The following TNFSF4 variants were observed in gnomAD, a reference collection of about 807,000 sequenced individuals.
TNFSF4 encodes TNF superfamily member 4, also known as tumor necrosis factor ligand superfamily member 4.
TNFSF4 carries 4 observed loss-of-function variants against 7.3 expected under a neutral mutation model. The observed-to-expected ratio is 0.55, with a 90% confidence interval of 0.27 to 1.25. The LOEUF (loss-of-function observed/expected upper bound fraction) is 1.25. TNFSF4 is among the 50% of genes most tolerant of loss of function. TNFSF4 has a pLI of 0.12. For synonymous variants in TNFSF4, 76 were observed against 83.7 expected, an observed-to-expected ratio of 0.91 and a Z score of 0.50; for missense variants, 181 against 208.8, an observed-to-expected ratio of 0.87 and a Z score of 0.82.
chr1:173,291,237 C>T, the TNFSF4 span, among the ~76,000 whole-genome samples: 1 of 152,066 alleles, frequency 6.6e-6, no homozygotes, highest in African/African-American at 2.4e-5. Context: ...GCGCCACACA[C>T]TTTGAAACAA....
chr1:173,363,077 CAT>C, the TNFSF4 span: 14 of 354,206 alleles, frequency 4.0e-5, no homozygotes, highest in African/African-American at 2.6e-4. Flanking sequence ...TTAGTTTGTA[CAT>C]GTTTCCTTTC....
downstream of TNFSF4, among the ~76,000 whole-genome samples, chr1:173,182,852 C>T (rs1571177595): frequency 6.6e-6 from 1 of 152,116 alleles, no homozygotes; most frequent in South Asian, 2.1e-4. Flanking sequence ...TGTGTAAGTG[C>T]ATTTGCACAT....
chr1:173,269,698 A>C, the TNFSF4 span, among the ~76,000 whole-genome samples: 1 of 152,154 alleles, frequency 6.6e-6, no homozygotes, highest in African/African-American at 2.4e-5. Flanking sequence ...CATGCTACTC[A>C]GAGCAGTGGA....
chr1:173,405,533 T>C, the TNFSF4 span, among the ~76,000 whole-genome samples: 1 of 152,214 alleles, frequency 6.6e-6, no homozygotes, highest in Admixed American at 6.5e-5. Flanking sequence ...TTGAGGGCAC[T>C]TGAAAGTGGG....
At chr1:173,283,927 CAAAAA>C in the TNFSF4 span, among the ~76,000 whole-genome samples, 1,741 of 62,450 alleles carry the variant, frequency 0.028, 23 homozygotes, top group Non-Finnish European at 0.044. Flanking sequence ...CTTATGAATG[CAAAAA>C]AAAAAAAAAA....
the TNFSF4 span, among the ~76,000 whole-genome samples, chr1:173,418,795 C>A: frequency 6.6e-6 from 1 of 152,170 alleles, no homozygotes; most frequent in Non-Finnish European, 1.5e-5. Context: ...GCGAGCCTTA[C>A]ATGTAAACAG....
At chr1:173,198,466 C>A (rs1649800289) in intron 1 of TNFSF4, among the ~76,000 whole-genome samples, 1 of 152,204 alleles carries the variant, frequency 6.6e-6, no homozygotes, top group Non-Finnish European at 1.5e-5. Context: ...AAGCAGCAGG[C>A]CTCTTTTTCC....
chr1:173,328,558 A>AC, the TNFSF4 span, among the ~76,000 whole-genome samples: 65 of 142,494 alleles, frequency 4.6e-4, no homozygotes, highest in Non-Finnish European at 5.2e-4. Flanking sequence ...AAAAAAGTTT[A>AC]CCCCCCCCCA....
the TNFSF4 span, among the ~76,000 whole-genome samples, chr1:173,232,297 G>A: frequency 6.6e-6 from 1 of 152,168 alleles, no homozygotes; most frequent in Non-Finnish European, 1.5e-5. Flanking sequence ...AAGAATGCTT[G>A]TGATTTTTGT....
chr1:173,247,481 A>T, the TNFSF4 span, among the ~76,000 whole-genome samples: 1 of 152,208 alleles, frequency 6.6e-6, no homozygotes, highest in African/African-American at 2.4e-5. Context: ...CAAGATTCTC[A>T]ACTGAGGGCA....
At chr1:173,341,671 G>T in the TNFSF4 span, among the ~76,000 whole-genome samples, 1,944 of 152,312 alleles carry the variant, frequency 0.013, 46 homozygotes, top group African/African-American at 0.045. Context: ...TCACAGAACT[G>T]CTATGAGATA....
the TNFSF4 span, among the ~76,000 whole-genome samples, chr1:173,319,825 C>A: frequency 1.3e-5 from 2 of 151,926 alleles, no homozygotes; most frequent in African/African-American, 4.8e-5. Context: ...CAAAGAAGAC[C>A]CCCCCACAAA....
At chr1:173,259,211 T>A in the TNFSF4 span, among the ~76,000 whole-genome samples, 3 of 152,018 alleles carry the variant, frequency 2.0e-5, no homozygotes, top group African/African-American at 7.2e-5. Flanking sequence ...GGGACCCAGG[T>A]GAATAGGGTC....
the TNFSF4 span, among the ~76,000 whole-genome samples, chr1:173,416,832 A>G: frequency 6.6e-6 from 1 of 151,932 alleles, no homozygotes; most frequent in East Asian, 1.9e-4. Context: ...CCTGGACTCA[A>G]GCGATCCACC....
chr1:173,203,271 A>G (rs3861951), intron 1 of TNFSF4, among the ~76,000 whole-genome samples: 5,232 of 151,438 alleles, frequency 0.035, 316 homozygotes, highest in African/African-American at 0.12. Context: ...TAAATAGACT[A>G]TATCTAATAC....
chr1:173,233,974 G>A, the TNFSF4 span, among the ~76,000 whole-genome samples: 1 of 151,998 alleles, frequency 6.6e-6, no homozygotes, highest in African/African-American at 2.4e-5. Context: ...AAGAGCTTCT[G>A]CACAGCAAAA....
chr1:173,249,745 C>G, the TNFSF4 span, among the ~76,000 whole-genome samples: 1 of 152,206 alleles, frequency 6.6e-6, no homozygotes, highest in Non-Finnish European at 1.5e-5. Context: ...AGTACCAACA[C>G]TTAGTATTAA....
At chr1:173,322,828 G>A in the TNFSF4 span, among the ~76,000 whole-genome samples, 348 of 152,264 alleles carry the variant, frequency 2.3e-3, 2 homozygotes, top group African/African-American at 7.2e-3. Flanking sequence ...AGGCAGCAGC[G>A]AGGCTTGGGG....
chr1:173,317,643 A>G, the TNFSF4 span, among the ~76,000 whole-genome samples: 1 of 152,222 alleles, frequency 6.6e-6, no homozygotes, highest in Non-Finnish European at 1.5e-5. Flanking sequence ...AAACTATAAA[A>G]CCACAAAACC....
Sources: gnomAD v4.1 joint callset for allele counts (sites outside exome capture counted in the v4.1 genomes callset) on GRCh38, gnomAD v4.1.1 for gene constraint, MANE v1.5 for transcripts, NCBI Gene and HGNC (gene_info 2026-07-23, HGNC 2026-07-21) for gene names.